KCNK12: variants seen among roughly 807,000 people sequenced by gnomAD.
KCNK12 encodes the protein potassium two pore domain channel subfamily K member 12.
A neutral mutation model predicts 25.3 loss-of-function variants in KCNK12; 6 were observed. The observed-to-expected ratio is 0.24, with a 90% CI of 0.13 to 0.47. The LOEUF (loss-of-function observed/expected upper bound fraction) is 0.47, where lower values mean the gene tolerates loss of function less well. KCNK12 is among the 20% of genes least tolerant of loss of function. The pLI, the probability that KCNK12 is intolerant of heterozygous loss-of-function variation, is 0.99. For synonymous variants in KCNK12, 331 were observed against 311.1 expected (o/e 1.06, Z -0.67); for missense variants, 444 against 661.7 (o/e 0.67, Z 3.61).
At position 47,568,561 on chromosome 2, in the gene KCNK12, CTT is replaced by C. The variant is rs553870092; in HGVS notation, c.391+1378_391+1379del. The stretch of plus-strand genomic sequence containing the variant: ...TGCTTTCATAGACTATACATATACA[CTT>C]AGAGAGACATCTCTAGCTGCTCATA... On this transcript the variant is annotated intron_variant, in intron 1 of 1. Coordinates refer to ENST00000327876, the MANE Select transcript of KCNK12 (RefSeq NM_022055.2). Among the ~76,000 whole-genome samples, 221 of 152,294 alleles carry C rather than the reference CTT, an allele frequency of 1.5e-3. 3 individuals carry two copies. The highest frequency in any genetic ancestry group is 2.5e-3 in the Non-Finnish European group (168 of 68,032).
In KCNK12 at chr2:47,570,044, G is replaced by C; in HGVS notation, c.288C>G (p.His96Gln). 1 of 1,419,026 alleles carries C rather than the reference G, an allele frequency of 7.0e-7. No individual in the cohort carries two copies. The highest frequency in any genetic ancestry group is 9.2e-7 in the Non-Finnish European group (1 of 1,086,728). The allele number at this position is 1,419,026 out of a possible 1,614,324, so 87.9% of individuals were successfully genotyped here. A position where few individuals can be genotyped will look rare whatever the true frequency, so the allele number is the denominator to read the frequency against. ...AEPELRAFLR[H>Q]YEAALAAGVR... is the part of the protein sequence containing the mutation. The stretch of plus-strand genomic sequence containing the variant: ...CGCCGGCGGCCAGCGCGGCCTCGTA[G>C]TGCCGGAGGAAGGCGCGCAGCTCTG... The change falls in exon 1 of 2, where the codon CAC becomes CAG. Residue 96 changes from histidine (H) to glutamine (Q), a missense_variant. By Grantham distance (24) the His-to-Gln change is conservative. Coordinates refer to ENST00000327876, the MANE Select transcript of KCNK12 (RefSeq NM_022055.2).
chr2:47,539,302 G>GT (rs1669142493), intron 1 of KCNK12, among the ~76,000 whole-genome samples: 1 of 152,216 alleles, frequency 6.6e-6, no homozygotes, highest in Non-Finnish European at 1.5e-5. Flanking sequence ...ACTTGAGGGT[G>GT]TATCAGTTTG....
chr2:47,520,979 G>A lies in KCNK12; in HGVS notation c.1221C>T (p.Asn407=), dbSNP rs1311927446. ...GCGCGCCCACGCCGCCCGAGAAGCC[G>A]TTCTGGCGCGTGTTGACGCACACGC... ...PRSVCVNTRQ[N]GFSGGVGALG... Residue 407 remains asparagine, a synonymous_variant, in exon 2 of 2, where the codon AAC becomes AAT. Coordinates refer to ENST00000327876, the MANE Select transcript of KCNK12 (RefSeq NM_022055.2). The surrounding 1 kb of genome is among the most constrained non-coding windows in gnomAD (Gnocchi z 5.0). The A allele has an allele frequency of 4.5e-6, 6 of 1,339,984 alleles. No homozygotes were observed. The highest frequency in any genetic ancestry group is 5.8e-6 in the Non-Finnish European group (6 of 1,042,510). The allele number at this position is 1,339,984 out of a possible 1,614,324, so 83.0% of individuals were successfully genotyped here.
At position 47,542,689 on chromosome 2, in the gene KCNK12, A is replaced by G. The variant is rs572622829; in HGVS notation, c.392-20881T>C. Among the ~76,000 whole-genome samples, 69 of 152,228 alleles carry G rather than the reference A, an allele frequency of 4.5e-4. 1 individual carries two copies. Among genetic ancestry groups the G allele is most frequent in the African/African-American group, 1.2e-3 (51 of 41,534 alleles). On this transcript the variant is annotated intron_variant, in intron 1 of 1. Coordinates refer to ENST00000327876, the MANE Select transcript of KCNK12 (RefSeq NM_022055.2). ...AAATCACTGCCACACTGTGACCCTTAAGGTCCTCAGCAGGGATGGCGCGAG... is the reference window on the plus strand; with the variant it reads ...AAATCACTGCCACACTGTGACCCTTGAGGTCCTCAGCAGGGATGGCGCGAG...
At position 47,533,535 on chromosome 2, in the gene KCNK12, T is replaced by C. The variant is rs1573634835; in HGVS notation, c.392-11727A>G. 6.6e-6 allele frequency among the ~76,000 whole-genome samples: 1 copy of C among 152,164 alleles called. No individual in the cohort carries two copies. Among genetic ancestry groups the C allele is most frequent in the Non-Finnish European group, 1.5e-5 (1 of 68,016 alleles). On this transcript the variant is annotated intron_variant, in intron 1 of 1. Coordinates refer to ENST00000327876, the MANE Select transcript of KCNK12 (RefSeq NM_022055.2). This position sits in a 1 kb window ranked among gnomAD's most constrained non-coding sequence, Gnocchi z 4.7. ...CATATGGATTTCCATGGCAGGGAAA[T>C]GCCCCCGTAGGCACAGTCAAGCCTG...
At position 47,520,561 on chromosome 2, in the gene KCNK12, C is replaced by T. The variant is rs1004895845; in HGVS notation, c.*346G>A. On this transcript the variant is annotated 3_prime_UTR_variant, in exon 2 of 2. Transcript: ENST00000327876. The surrounding 1 kb of genome is among the most constrained non-coding windows in gnomAD (Gnocchi z 5.0). ...GTTGCACCATATGCTTTGGGGTTGC[C>T]GGCTGCTTCTGTGCATGGGGACGGG... 4.2e-5 allele frequency: 9 copies of T among 215,314 alleles called. No homozygotes were observed. Among genetic ancestry groups the T allele is most frequent in the African/African-American group, 2.1e-4 (9 of 43,892 alleles). The allele number at this position is 215,314 out of a possible 1,614,324, so 13.3% of individuals were successfully genotyped here.
rs527430308 is a variant in KCNK12 at position 47,525,835 on chromosome 2, A to T, written c.392-4027T>A. On this transcript the variant is annotated intron_variant, in intron 1 of 1. Coordinates refer to ENST00000327876, the MANE Select transcript of KCNK12 (RefSeq NM_022055.2). The surrounding 1 kb of genome is among the most constrained non-coding windows in gnomAD (Gnocchi z 4.1). ...CTGTGCAGGGCTCCCAAGGACCCAT[A>T]AATAGATGCCGTGAAAGCACATATG... Among the ~76,000 whole-genome samples, 2 of 152,234 alleles carry T rather than the reference A, an allele frequency of 1.3e-5. No individual in the cohort carries two copies. The highest frequency in any genetic ancestry group is 4.1e-4 in the South Asian group (2 of 4,820).
chr2:47,542,320 A>G (rs1298911667), intron 1 of KCNK12, among the ~76,000 whole-genome samples: 1 of 152,236 alleles, frequency 6.6e-6, no homozygotes, highest in African/African-American at 2.4e-5. Context: ...ACCCTGGCAC[A>G]TGCACAGCCC....
At chr2:47,546,809 G>A (rs1669324161) in intron 1 of KCNK12, among the ~76,000 whole-genome samples, 1 of 152,206 alleles carries the variant, frequency 6.6e-6, no homozygotes, top group African/African-American at 2.4e-5. Flanking sequence ...AGGGTTTACA[G>A]TGGAAGGGCC....
rs1174726610 is a variant in KCNK12, at chr2:47,510,562, C to G, written c.*10345G>C. On this transcript the variant is annotated 3_prime_UTR_variant, in exon 2 of 2. Transcript: ENST00000327876. The stretch of plus-strand genomic sequence containing the variant: ...AAGGCTCCAGGATCTGCCCTGGGGG[C>G]TATCTCAACACCCCTACACTCTCAC... Among the ~76,000 whole-genome samples the G allele has an allele frequency of 1.3e-5, 2 of 152,040 alleles. No homozygotes were observed. Among genetic ancestry groups the G allele is most frequent in the Non-Finnish European group, 2.9e-5 (2 of 68,008 alleles).
rs1422591986 is a variant in KCNK12 at position 47,548,016 on chromosome 2, G to A, written c.391+21925C>T. On this transcript the variant is annotated intron_variant, in intron 1 of 1. Coordinates refer to ENST00000327876, the MANE Select transcript of KCNK12 (RefSeq NM_022055.2). This position sits in a 1 kb window ranked among gnomAD's most constrained non-coding sequence, Gnocchi z 4.4. The stretch of plus-strand genomic sequence containing the variant: ...ATGATAGTAAGTTCTCATGAGATCT[G>A]GTTGTTTAAAAGTGTGTAGCACCTT... Among the ~76,000 whole-genome samples, 7 of 152,104 alleles carry A rather than the reference G, an allele frequency of 4.6e-5. No individual in the cohort carries two copies.
chr2:47,565,806 G>A lies in KCNK12; in HGVS notation c.391+4135C>T, dbSNP rs1166669253. The A allele has an allele frequency of 3.3e-5, 5 of 152,184 alleles. No homozygotes were observed. Among genetic ancestry groups the A allele is most frequent in the Non-Finnish European group, 7.3e-5 (5 of 68,044 alleles). The allele number at this position is 152,184 out of a possible 1,614,324, so 9.4% of individuals were successfully genotyped here. ...ACTGTCTTCAAGAATATTGTTTCGTGCTAAAAGAACACAAGACAGTTATCT... is the reference window on the plus strand; with the variant it reads ...ACTGTCTTCAAGAATATTGTTTCGTACTAAAAGAACACAAGACAGTTATCT... On this transcript the variant is annotated intron_variant, in intron 1 of 1. Coordinates refer to ENST00000327876, the MANE Select transcript of KCNK12 (RefSeq NM_022055.2). This position sits in a 1 kb window ranked among gnomAD's most constrained non-coding sequence, Gnocchi z 5.0.
In KCNK12 at chr2:47,512,750, T is replaced by TG. The variant is rs1482057816; in HGVS notation, c.*8156dup. 1 of 236,052 alleles carries TG rather than the reference T, an allele frequency of 4.2e-6. No homozygotes were observed. Among genetic ancestry groups the TG allele is most frequent in the Non-Finnish European group, 8.3e-6 (1 of 120,604 alleles). 14.6% of individuals were successfully genotyped at this position (236,052 alleles called of 1,614,324 possible). On this transcript the variant is annotated 3_prime_UTR_variant, in exon 2 of 2. Transcript: ENST00000327876. ...GATTCCTTCCAAACAGGTTTACCACTGGGAGAGCCTGTTGGTTGGGGAGGG... is the reference window on the plus strand; with the variant it reads ...GATTCCTTCCAAACAGGTTTACCACTGGGGAGAGCCTGTTGGTTGGGGAGGG...
chr2:47,521,140 C>A lies in KCNK12; in HGVS notation c.1060G>T (p.Ala354Ser). ...RLAALGADPA[A>S]RDSDAEGRRL... is the part of the protein sequence containing the mutation. ...CGGCCCTCGGCGTCGCTGTCGCGGG[C>A]CGCGGGGTCGGCACCGAGCGCGGCC... The change falls in exon 2 of 2, where the codon GCC (alanine) becomes TCC (serine). Residue 354 changes from alanine (A) to serine (S), a missense_variant. Physicochemically the swap from Ala to Ser is moderately conservative, Grantham distance 99. Around this residue, in one of 8 missense-constraint regions of KCNK12, gnomAD observed 69 missense variants for 81.7 expected, o/e 0.84. Transcript: ENST00000327876. 1 of 1,270,796 alleles carries A rather than the reference C, an allele frequency of 7.9e-7. No individual in the cohort carries two copies. The highest frequency in any genetic ancestry group is 9.9e-7 in the Non-Finnish European group (1 of 1,009,382). 78.7% of individuals were successfully genotyped at this position (1,270,796 alleles called of 1,614,324 possible). A position where few individuals can be genotyped will look rare whatever the true frequency, so the allele number is the denominator to read the frequency against.
rs752617559 is a variant in KCNK12 at position 47,512,000 on chromosome 2, G to T, written c.*8907C>A. ...AGTTCTGGAGAATGGTACTTTACTT[G>T]TCCTTGGGGAAGCAGAAACAAATGA... is the stretch of plus-strand genomic sequence containing the variant. On this transcript the variant is annotated 3_prime_UTR_variant, in exon 2 of 2. Transcript: ENST00000327876. The surrounding 1 kb of genome is among the most constrained non-coding windows in gnomAD (Gnocchi z 4.3). Among the ~76,000 whole-genome samples, 2 of 152,156 alleles carry T rather than the reference G, an allele frequency of 1.3e-5. No individual in the cohort carries two copies. Among genetic ancestry groups the T allele is most frequent in the Non-Finnish European group, 2.9e-5 (2 of 68,012 alleles).
rs190517586 is a variant in KCNK12 at position 47,547,228 on chromosome 2, C to A, written c.391+22713G>T. Reference sequence around the variant, plus strand: ...AATCTTCAGATCTCTTCTTTTCTGGCTCCCACGAACACGCCCTGGGACTCT... The same window carrying A: ...AATCTTCAGATCTCTTCTTTTCTGGATCCCACGAACACGCCCTGGGACTCT... On this transcript the variant is annotated intron_variant, in intron 1 of 1. Transcript: ENST00000327876. This position sits in a 1 kb window ranked among gnomAD's most constrained non-coding sequence, Gnocchi z 5.0. Among the ~76,000 whole-genome samples the A allele has an allele frequency of 2.6e-5, 4 of 152,328 alleles. No individual in the cohort carries two copies. The East Asian group carries it at 7.7e-4, about 29-fold the overall frequency.
chr2:47,561,823 C>T (rs957528825), intron 1 of KCNK12, among the ~76,000 whole-genome samples: 2 of 152,186 alleles, frequency 1.3e-5, no homozygotes, highest in Admixed American at 1.3e-4. Context: ...TGAATCCAGG[C>T]AAGCAGGCTG....
rs1424793205 is a variant in KCNK12, at chr2:47,519,267, GT to G, written c.*1639del. On this transcript the variant is annotated 3_prime_UTR_variant, in exon 2 of 2. Coordinates refer to ENST00000327876, the MANE Select transcript of KCNK12 (RefSeq NM_022055.2). Reference sequence around the variant, plus strand: ...GGGGAAAGAAGAGTTTGACATTCAAGTTTGACTCTAATGCTGGGTGCGTGAG... The same window carrying G: ...GGGGAAAGAAGAGTTTGACATTCAAGTTGACTCTAATGCTGGGTGCGTGAG... The G allele has an allele frequency of 6.6e-6, 1 of 152,232 alleles. No homozygotes were observed. The highest frequency in any genetic ancestry group is 2.1e-4 in the South Asian group (1 of 4,830). 9.4% of individuals were successfully genotyped at this position (152,232 alleles called of 1,614,324 possible). A position where few individuals can be genotyped will look rare whatever the true frequency, so the allele number is the denominator to read the frequency against.
intron 1 of KCNK12, among the ~76,000 whole-genome samples, chr2:47,522,115 A>ATGC (rs1327560482): frequency 4.6e-5 from 7 of 152,196 alleles, no homozygotes; most frequent in African/African-American, 1.7e-4. Context: ...CAAAAAATAG[A>ATGC]AACCACTGCT....
Sources: allele counts gnomAD v4.1 joint callset (sites outside exome capture counted in the v4.1 genomes callset), GRCh38; gene constraint gnomAD v4.1.1; regional missense constraint gnomAD v4.1.1; non-coding constraint Gnocchi (gnomAD v3.1); transcripts MANE v1.5; gene names NCBI Gene and HGNC (gene_info 2026-07-23, HGNC 2026-07-21).